The following PCDHA1 variants were observed in gnomAD, a reference collection of about 807,000 sequenced individuals.
PCDHA1 encodes the protein protocadherin alpha-1.
A neutral mutation model predicts 61.3 loss-of-function variants in PCDHA1; 42 were observed. The observed-to-expected ratio is 0.69, with a 90% CI of 0.54 to 0.89. The LOEUF (loss-of-function observed/expected upper bound fraction) is 0.89. Ranked by LOEUF, PCDHA1 falls within the 40% of genes least tolerant of loss-of-function variation. The pLI is 0.00. For synonymous variants in PCDHA1, 610 were observed against 553.8 expected, an observed-to-expected ratio of 1.10 and a Z score of -1.43; for missense variants, 1,256 against 1,235.3, an observed-to-expected ratio of 1.02 and a Z score of -0.25.
intron 1 of PCDHA1, chr5:140,849,864 C>G (rs1554143420): frequency 6.3e-7 from 1 of 1,598,642 alleles, no homozygotes; most frequent in South Asian, 1.1e-5. Context: ...AGCGTTCGCG[C>G]AGTCCGAGTA....
chr5:140,946,631 T>TATATAGATATATATATATATATATACAC (rs57893927), intron 1 of PCDHA1, among the ~76,000 whole-genome samples: 1 of 131,846 alleles, frequency 7.6e-6, no homozygotes, highest in African/African-American at 3.5e-5. Flanking sequence ...TATATATATA[T>TATATAGATATATATATATATATATACAC]ACAATGGAAT....
At position 140,836,088 on chromosome 5, in the gene PCDHA1, C is replaced by T. The variant is rs2150252378; in HGVS notation, c.2394+47404C>T. On this transcript the variant is annotated intron_variant, in intron 1 of 3. Transcript: ENST00000504120. ...CAACGCGCCGGCACTGCTGGCGCCT[C>T]GGGTGGGTGGCACTGGTGGCGCAGT... is the stretch of plus-strand genomic sequence containing the variant. 2.5e-6 allele frequency: 4 copies of T among 1,613,654 alleles called. No individual in the cohort carries two copies. The South Asian group carries it at 3.3e-5, about 13-fold the overall frequency.
Position 140,857,707 on chromosome 5 carries a change from C to T in PCDHA1, c.2394+69023C>T, listed in dbSNP as rs1554150544. Reference sequence around the variant, plus strand: ...GCAGCAACTTGACGCTGCAGGTGTTCGTGCTGGACGAGAACGACAACGCTC... The same window carrying T: ...GCAGCAACTTGACGCTGCAGGTGTTTGTGCTGGACGAGAACGACAACGCTC... On this transcript the variant is annotated intron_variant, in intron 1 of 3. Coordinates refer to ENST00000504120, the MANE Select transcript of PCDHA1 (RefSeq NM_018900.4). 3.1e-6 allele frequency: 5 copies of T among 1,597,080 alleles called. 1 individual carries two copies. Among genetic ancestry groups the T allele is most frequent in the East Asian group, 2.2e-5 (1 of 44,802 alleles).
rs1554204518 is a variant in PCDHA1 at position 140,927,427 on chromosome 5, G to A, written c.2395-51522G>A. Reference sequence around the variant, plus strand: ...CCTGGACATGGGATCGCGGGTTGACGGCAGCGAATACCCGGAGTTGGTGTT... The same window carrying A: ...CCTGGACATGGGATCGCGGGTTGACAGCAGCGAATACCCGGAGTTGGTGTT... On this transcript the variant is annotated intron_variant, in intron 1 of 3. Transcript: ENST00000504120. 1.2e-6 allele frequency: 2 copies of A among 1,614,114 alleles called. No homozygotes were observed. Among genetic ancestry groups the A allele is most frequent in the Non-Finnish European group, 1.7e-6 (2 of 1,179,974 alleles).
At chr5:140,850,316 T>A (rs2150479207) in intron 1 of PCDHA1, 1 of 1,597,026 alleles carries the variant, frequency 6.3e-7, no homozygotes, top group African/African-American at 1.3e-5. Flanking sequence ...ACGCGTGGCT[T>A]TCATACGAGC....
At chr5:140,927,306 G>A (rs782091835) in intron 1 of PCDHA1, 1 of 1,614,158 alleles carries the variant, frequency 6.2e-7, no homozygotes, top group Admixed American at 1.7e-5. Flanking sequence ...AGTTCCTGAC[G>A]CCCGGAGCCC....
chr5:140,897,923 G>A (rs371929339), intron 1 of PCDHA1, among the ~76,000 whole-genome samples: 11 of 152,078 alleles, frequency 7.2e-5, no homozygotes, highest in East Asian at 5.8e-4. Flanking sequence ...TTTGATTTGC[G>A]TTTCTCTGAT....
intron 1 of PCDHA1, among the ~76,000 whole-genome samples, chr5:140,951,140 C>G (rs1322025119): frequency 9.9e-6 from 1 of 100,842 alleles, no homozygotes; most frequent in Non-Finnish European, 2.0e-5. Context: ...TTTCCTTTAT[C>G]TTATTGAATA....
chr5:140,901,232 AT>A (rs2068522830), intron 1 of PCDHA1, among the ~76,000 whole-genome samples: 4 of 152,022 alleles, frequency 2.6e-5, no homozygotes, highest in East Asian at 1.9e-4. Context: ...CCATATATCC[AT>A]TTTTTTCCTT....
At chr5:140,877,710 G>T in intron 1 of PCDHA1, 1 of 1,614,098 alleles carries the variant, frequency 6.2e-7, no homozygotes, top group Non-Finnish European at 8.5e-7. Context: ...GCGCCGTGGG[G>T]AGTTGGTCTT....
intron 1 of PCDHA1, among the ~76,000 whole-genome samples, chr5:140,878,558 C>T: frequency 6.6e-6 from 1 of 152,172 alleles, no homozygotes; most frequent in African/African-American, 2.4e-5. Flanking sequence ...TGATCCCAAA[C>T]TTATCATAGT....
chr5:140,849,258 G>A lies in PCDHA1; in HGVS notation c.2394+60574G>A, dbSNP rs2150433835. 190 of 1,110,896 alleles carry A rather than the reference G, an allele frequency of 1.7e-4. 6 individuals carry two copies. Among genetic ancestry groups the A allele is most frequent in the Admixed American group, 3.3e-4 (12 of 36,734 alleles). 68.8% of individuals were successfully genotyped at this position (1,110,896 alleles called of 1,614,324 possible). A position where few individuals can be genotyped will look rare whatever the true frequency, so the allele number is the denominator to read the frequency against. Reference sequence around the variant, plus strand: ...GTATACGGTGAAATTACCAGAAAACGTTTCTATCGGAACGCTGGTGATTCA... The same window carrying A: ...GTATACGGTGAAATTACCAGAAAACATTTCTATCGGAACGCTGGTGATTCA... On this transcript the variant is annotated intron_variant, in intron 1 of 3. Transcript: ENST00000504120.
chr5:140,847,542 C>T (rs1442885551), intron 1 of PCDHA1: 1 of 149,324 alleles, frequency 6.7e-6, no homozygotes, highest in African/African-American at 2.5e-5. Flanking sequence ...TCAAGCATAG[C>T]TTTAAAAACA....
At position 140,843,280 on chromosome 5, in the gene PCDHA1, T is replaced by A. The variant is rs2150356364; in HGVS notation, c.2394+54596T>A. ...ACCGTCTGCTGGTCCTGGTGAAGGA[T>A]CATGGTGAACCTGCGCTGACCGCCA... On this transcript the variant is annotated intron_variant, in intron 1 of 3. Coordinates refer to ENST00000504120, the MANE Select transcript of PCDHA1 (RefSeq NM_018900.4). 5.0e-6 allele frequency: 8 copies of A among 1,595,708 alleles called. 1 individual carries two copies. The African/African-American group carries it at 6.7e-5, about 13-fold the overall frequency.
chr5:140,959,118 C>T (rs781848896), intron 1 of PCDHA1, among the ~76,000 whole-genome samples: 8 of 151,838 alleles, frequency 5.3e-5, no homozygotes, highest in Non-Finnish European at 1.0e-4. Context: ...CGAAGGTGGG[C>T]GAGGTGAGCC....
At chr5:140,901,666 T>C (rs539450371) in intron 1 of PCDHA1, among the ~76,000 whole-genome samples, 12 of 152,346 alleles carry the variant, frequency 7.9e-5, no homozygotes, top group African/African-American at 2.6e-4. Context: ...TTGCTCAAGA[T>C]ACCTTTAGGT....
intron 1 of PCDHA1, chr5:140,883,837 G>A (rs1554180178): frequency 6.2e-7 from 1 of 1,612,730 alleles, no homozygotes; most frequent in East Asian, 2.2e-5. Context: ...TGCAGCCGTT[G>A]GACCACGAGG....
chr5:140,840,795 A>T (rs1395855837), intron 1 of PCDHA1, among the ~76,000 whole-genome samples: 1 of 152,122 alleles, frequency 6.6e-6, no homozygotes, highest in African/African-American at 2.4e-5. Flanking sequence ...TGCTCACCTC[A>T]GAGTAATATA....
chr5:140,882,539 G>A (rs1303287274), intron 1 of PCDHA1: 2 of 1,614,110 alleles, frequency 1.2e-6, no homozygotes, highest in African/African-American at 2.7e-5. Flanking sequence ...TTCTCGGATC[G>A]ACCGCGAGGA....
Sources: allele counts gnomAD v4.1 joint callset (sites outside exome capture counted in the v4.1 genomes callset), GRCh38; gene constraint gnomAD v4.1.1; transcripts MANE v1.5; gene names NCBI Gene and HGNC (gene_info 2026-07-23, HGNC 2026-07-21).